Variants in CYP2A7 observed in about 807,000 individuals in gnomAD.
CYP2A7 encodes the protein cytochrome P450 2A7.
In CYP2A7, 36 loss-of-function variants were observed where a neutral mutation model predicts 42.0. The ratio of observed to expected loss-of-function variants is 0.86; its 90% CI spans 0.66 to 1.13. The LOEUF (loss-of-function observed/expected upper bound fraction) is 1.13, where lower values mean the gene tolerates loss of function less well. Ranked by LOEUF, CYP2A7 falls within the 50% of genes most tolerant of loss-of-function variation. The pLI, the probability that CYP2A7 is intolerant of heterozygous loss-of-function variation, is 0.00. For synonymous variants in CYP2A7, 260 were observed against 249.5 expected (o/e 1.04, Z -0.40); for missense variants, 661 against 634.1 (o/e 1.04, Z -0.46).
Position 40,876,546 on chromosome 19 carries a change from A to AGTGGTCTCTTACCGATGGAAAAGG in CYP2A7, c.1283_1284insCCTTTTCCATCGGTAAGAGACCAC (p.Ala428_Phe429insLeuPheHisArgTer), listed in dbSNP as rs2087810114. 1 of 1,612,954 alleles carries AGTGGTCTCTTACCGATGGAAAAGG rather than the reference A, an allele frequency of 6.2e-7. No homozygotes were observed. The highest frequency in any genetic ancestry group is 1.3e-5 in the African/African-American group (1 of 74,890). On this transcript the variant is annotated stop_gained and inframe_insertion, in exon 8 of 9. Coordinates refer to ENST00000301146, the MANE Select transcript of CYP2A7 (RefSeq NM_000764.3). LOFTEE classifies it low-confidence loss of function (END_TRUNC). Reference sequence around the variant, plus strand: ...TCTTACCGATGGAAAAGGGCACAAAAGCATCACTCTTCTTAAACTGCCCCT... The same window carrying AGTGGTCTCTTACCGATGGAAAAGG: ...TCTTACCGATGGAAAAGGGCACAAAAGTGGTCTCTTACCGATGGAAAAGGGCATCACTCTTCTTAAACTGCCCCT...
rs139997615 is a variant in CYP2A7, at chr19:40,877,910, C to G, written c.915G>C (p.Thr305=). 70 of 1,612,480 alleles carry G rather than the reference C, an allele frequency of 4.3e-5. 2 individuals carry two copies. Among genetic ancestry groups the G allele is most frequent in the Middle Eastern group, 1.7e-4 (1 of 6,060 alleles). Residue 305 remains threonine, a synonymous_variant, in exon 6 of 9, where the codon ACG becomes ACC. Transcript: ENST00000301146. ...TLNLFIAGTE[T]VSTTLRYGFL... is the part of the protein sequence containing the mutation. ...AGCCATAGCGCAGGGTGGTGCTGAC[C>G]GTCTCGGTGCCTGCAATGAAGAGGT...
chr19:40,876,663 G>C lies in CYP2A7; in HGVS notation c.1167C>G (p.Thr389=), dbSNP rs200342116. 8.7e-6 allele frequency: 14 copies of C among 1,611,582 alleles called. No individual in the cohort carries two copies. Among genetic ancestry groups the C allele is most frequent in the Admixed American group, 5.0e-5 (3 of 59,750 alleles). The change falls in exon 8 of 9, where the codon ACC becomes ACG. Residue 389 remains threonine (T), a synonymous_variant. Transcript: ENST00000301146. ...KFRDFFLPKG[T]EVFPMLGSVL... ...CGGAGCCCAGCATAGGGAACACTTCGGTGCCCTGGTAGGGAGGAGGAAGTT... is the reference window on the plus strand; with the variant it reads ...CGGAGCCCAGCATAGGGAACACTTCCGTGCCCTGGTAGGGAGGAGGAAGTT...
rs1475363078 is a variant in CYP2A7 at position 40,878,806 on chromosome 19, T to A, written c.785A>T (p.Asn262Ile). 1 of 1,611,736 alleles carries A rather than the reference T, an allele frequency of 6.2e-7. No individual in the cohort carries two copies. Among genetic ancestry groups the A allele is most frequent in the Non-Finnish European group, 8.5e-7 (1 of 1,178,556 alleles). The change falls in exon 5 of 9, where the codon AAT becomes ATT. Residue 262 changes from asparagine to isoleucine, a missense_variant. Physicochemically the swap from Asn to Ile is moderately radical, Grantham distance 149. Around this residue, in one of 3 missense-constraint regions of CYP2A7, gnomAD observed 614 missense variants for 552.4 expected, o/e 1.11. Transcript: ENST00000301146. ...GGAGTCGATGAAGTCCTGTGGGGAA[T>A]TGGGATCCAGCGTGCGCTGGTTGTG... ...VEHNQRTLDPNSPQDFIDSFL... is the reference protein window; with the variant it reads ...VEHNQRTLDPISPQDFIDSFL...
At chr19:40,880,804 A>G (rs1191550884) in intron 2 of CYP2A7, among the ~76,000 whole-genome samples, 176 bp from the exon 3 acceptor site, 291 of 3,224 alleles carry the variant, frequency 0.09, 10 homozygotes, top group Non-Finnish European at 0.14. Context: ...CGAGGGAGAG[A>G]GAGAGAGAGA....
In CYP2A7 at chr19:40,881,715, A is replaced by G. The variant is rs10425150; in HGVS notation, c.217T>C (p.Leu73=). 0.5 allele frequency: 675,835 copies of G among 1,348,844 alleles called. 204,131 individuals carry two copies. The highest frequency in any genetic ancestry group is 0.66 in the Admixed American group (37,233 of 56,776). The allele number at this position is 1,348,844 out of a possible 1,614,324, so 83.6% of individuals were successfully genotyped here. A position where few individuals can be genotyped will look rare whatever the true frequency, so the allele number is the denominator to read the frequency against. Reference sequence around the variant, plus strand: ...AGCACCACGACCCGCCGGGGCCCCAAGTGAATGGTGAACACGGGGCCATAG... The same window carrying G: ...AGCACCACGACCCGCCGGGGCCCCAGGTGAATGGTGAACACGGGGCCATAG... The part of the protein sequence containing the change: ...ECYGPVFTIH[L]GPRRVVVLCG... The change falls in exon 2 of 9, where the codon TTG becomes CTG. Residue 73 remains leucine, a synonymous_variant. Transcript: ENST00000301146.
rs780128029 is a variant in CYP2A7 at position 40,880,586 on chromosome 19, CG to C, written c.385del (p.Arg129AlafsTer7). On this transcript the variant is annotated frameshift_variant, in exon 3 of 9. Coordinates refer to ENST00000301146, the MANE Select transcript of CYP2A7 (RefSeq NM_000764.3). LOFTEE classifies it high-confidence loss of function. ...SNGERAKQLLRFAIATLRDFG... is the reference protein window; with the variant it reads ...SNGERAKQLLXFAIATLRDFG... ...GTCCCTCAGGGTGGCGATGGCAAAG[CG>C]CAGGAGCTGCTTGGCGCGCTCCCCG... 9 of 1,596,822 alleles carry C rather than the reference CG, an allele frequency of 5.6e-6. No individual in the cohort carries two copies. Among genetic ancestry groups the C allele is most frequent in the Non-Finnish European group, 7.7e-6 (9 of 1,167,730 alleles).
At position 40,879,475 on chromosome 19, in the gene CYP2A7, A is replaced by T. The variant is rs572489401; in HGVS notation, c.655-539T>A. ...GTTTACCTATCCAAGTGCGATGCAC[A>T]GGGAGCACCTCTGTAAGGTGTGTGA... On this transcript the variant is annotated intron_variant, in intron 4 of 8. Coordinates refer to ENST00000301146, the MANE Select transcript of CYP2A7 (RefSeq NM_000764.3). Among the ~76,000 whole-genome samples the T allele has an allele frequency of 4.9e-4, 75 of 151,944 alleles. 2 individuals are homozygous for T. The South Asian group carries it at 9.4e-3, about 19-fold the overall frequency.
At position 40,880,184 on chromosome 19, in the gene CYP2A7, A is replaced by G. The variant is rs141591234; in HGVS notation, c.554T>C (p.Ile185Thr). The part of the protein sequence containing the change: ...SRTVSNVISS[I>T]VFGDRFDYED... Reference sequence around the variant, plus strand: ...ATAGTCAAAGCGGTCCCCAAAGACAATGGAGCTGATGACATTGGAGACTGT... The same window carrying G: ...ATAGTCAAAGCGGTCCCCAAAGACAGTGGAGCTGATGACATTGGAGACTGT... The change falls in exon 4 of 9, where the codon ATT becomes ACT. Residue 185 changes from isoleucine to threonine, a missense_variant. By Grantham distance (89) the Ile-to-Thr change is moderately conservative. Coordinates refer to ENST00000301146, the MANE Select transcript of CYP2A7 (RefSeq NM_000764.3). 1.9e-6 allele frequency: 3 copies of G among 1,612,836 alleles called. No homozygotes were observed. Among genetic ancestry groups the G allele is most frequent in the African/African-American group, 2.7e-5 (2 of 74,846 alleles).
Position 40,876,162 on chromosome 19 carries a change from C to T in CYP2A7, c.1304-288G>A, listed in dbSNP as rs773737411. 5.3e-5 allele frequency among the ~76,000 whole-genome samples: 8 copies of T among 151,980 alleles called. No individual in the cohort carries two copies. The East Asian group carries it at 1.5e-3, about 29-fold the overall frequency. ...GGGTTTTGAAAAAGGCATAATGTCACACATCCATCATAGATGGGGTGATCC... is the reference window on the plus strand; with the variant it reads ...GGGTTTTGAAAAAGGCATAATGTCATACATCCATCATAGATGGGGTGATCC... On this transcript the variant is annotated intron_variant, in intron 8 of 8. Transcript: ENST00000301146.
At position 40,882,155 on chromosome 19, in the gene CYP2A7, A is replaced by C; in HGVS notation, c.56T>G (p.Val19Gly). 1 of 1,613,918 alleles carries C rather than the reference A, an allele frequency of 6.2e-7. No individual in the cohort carries two copies. Among genetic ancestry groups the C allele is most frequent in the Non-Finnish European group, 8.5e-7 (1 of 1,179,872 alleles). Residue 19 changes from valine to glycine, a missense_variant, in exon 1 of 9, where the codon GTC becomes GGC. Coordinates refer to ENST00000301146, the MANE Select transcript of CYP2A7 (RefSeq NM_000764.3). ...VALLACLTVM[V>G]LMSVWQQRKS... ...CCTCTGCTGCCAGACAGACATCAAGACCATCACAGTCAGGCAGGCCAGCAA... is the reference window on the plus strand; with the variant it reads ...CCTCTGCTGCCAGACAGACATCAAGCCCATCACAGTCAGGCAGGCCAGCAA...
chr19:40,880,643 G>C lies in CYP2A7; in HGVS notation c.344-15C>G, dbSNP rs1967643042. 1 of 1,586,154 alleles carries C rather than the reference G, an allele frequency of 6.3e-7. No homozygotes were observed. Among genetic ancestry groups the C allele is most frequent in the East Asian group, 2.3e-5 (1 of 44,234 alleles). ...GAACGCCACGCCTGGGGAGGTCAAG[G>C]CGGGGGTGGAGAGAGGTCAGGGGGC... On this transcript the variant is annotated splice_polypyrimidine_tract_variant and intron_variant, in intron 2 of 8. Transcript: ENST00000301146.
In CYP2A7 at chr19:40,875,698, G is replaced by T. The variant is rs773157802; in HGVS notation, c.1480C>A (p.Arg494Ser). 3 of 1,610,178 alleles carry T rather than the reference G, an allele frequency of 1.9e-6. No homozygotes were observed. The highest frequency in any genetic ancestry group is 1.1e-5 in the South Asian group (1 of 90,752). ...PRNYTMSFLPR is the reference protein window; with the variant it reads ...PRNYTMSFLPS The stretch of plus-strand genomic sequence containing the variant: ...TGCACCGGCACAGCCCTCGCTCAGC[G>T]GGGCAGGAAGCTCATGGTGTAGTTT... Residue 494 changes from arginine to serine, a missense_variant, in exon 9 of 9, where the codon CGC becomes AGC. Coordinates refer to ENST00000301146, the MANE Select transcript of CYP2A7 (RefSeq NM_000764.3).
At position 40,882,138 on chromosome 19, in the gene CYP2A7, G is replaced by A. The variant is rs758516456; in HGVS notation, c.73C>T (p.Gln25Ter). 6.2e-7 allele frequency: 1 copy of A among 1,613,988 alleles called. No individual in the cohort carries two copies. Residue 25 changes from glutamine to a stop codon, truncating the protein, a stop_gained, in exon 1 of 9, where the codon CAG (glutamine) becomes TAG (stop). Coordinates refer to ENST00000301146, the MANE Select transcript of CYP2A7 (RefSeq NM_000764.3). LOFTEE classifies it high-confidence loss of function. ...AGCTTCCCCCTGCTCTTCCTCTGCT[G>A]CCAGACAGACATCAAGACCATCACA... ...LTVMVLMSVW[Q>*]QRKSRGKLPP...
At position 40,876,670 on chromosome 19, in the gene CYP2A7, T is replaced by C. The variant is rs201965251; in HGVS notation, c.1162-2A>G. 5.7e-5 allele frequency: 91 copies of C among 1,610,362 alleles called. 1 individual carries two copies. Among genetic ancestry groups the C allele is most frequent in the Non-Finnish European group, 7.0e-5 (82 of 1,177,714 alleles). On this transcript the variant is annotated splice_acceptor_variant, in intron 7 of 8. Transcript: ENST00000301146. LOFTEE classifies it high-confidence loss of function. ...CAGCATAGGGAACACTTCGGTGCCC[T>C]GGTAGGGAGGAGGAAGTTGTGTGTG...
intron 3 of CYP2A7, 22 bp from the exon 4 acceptor site, chr19:40,880,266 G>C (rs73032316): frequency 0.15 from 238,113 of 1,611,774 alleles, 22,658 homozygotes; most frequent in East Asian, 0.17. Context: ...GAGGGAGAAG[G>C]GGGTTGGGGA....
chr19:40,876,528 G>T lies in CYP2A7; in HGVS notation c.1302C>A (p.Ile434=). 6.2e-7 allele frequency: 1 copy of T among 1,612,888 alleles called. No homozygotes were observed. Among genetic ancestry groups the T allele is most frequent in the Non-Finnish European group, 8.5e-7 (1 of 1,179,156 alleles). Residue 434 remains isoleucine, a splice_region_variant and synonymous_variant, in exon 8 of 9, where the codon ATC becomes ATA. Coordinates refer to ENST00000301146, the MANE Select transcript of CYP2A7 (RefSeq NM_000764.3). ...TGGCAGCAAACAGTGGTCTCTTACC[G>T]ATGGAAAAGGGCACAAAAGCATCAC... ...KKSDAFVPFS[I]GKRNCFGEGL... is the part of the protein sequence containing the mutation.
chr19:40,877,115 T>A, intron 7 of CYP2A7, 75 bp downstream of exon 7: 1 of 1,540,088 alleles, frequency 6.5e-7, no homozygotes, highest in Non-Finnish European at 8.9e-7. Context: ...AGAAAGCTTC[T>A]AATGGGGGCA....
intron 2 of CYP2A7, 89 bp from the exon 3 acceptor site, chr19:40,880,717 C>G (rs61482096): frequency 1.3e-4 from 80 of 629,868 alleles, no homozygotes; most frequent in South Asian, 3.0e-4. Context: ...AAGGGTGGAG[C>G]AGAGGGGTAG....
At chr19:40,881,431 A>G (rs1038662745) in intron 2 of CYP2A7, among the ~76,000 whole-genome samples, 158 bp downstream of exon 2, 11 of 151,512 alleles carry the variant, frequency 7.3e-5, no homozygotes, top group South Asian at 2.1e-4. Context: ...GGTGAGGGAT[A>G]CACATGGAGA....
Sources: allele counts gnomAD v4.1 joint callset (sites outside exome capture counted in the v4.1 genomes callset), GRCh38; gene constraint gnomAD v4.1.1; regional missense constraint gnomAD v4.1.1; transcripts MANE v1.5; gene names NCBI Gene and HGNC (gene_info 2026-07-23, HGNC 2026-07-21).